The following DYNC1I1 variants were observed in gnomAD, a reference collection of about 807,000 sequenced individuals.
The protein encoded by DYNC1I1 is dynein cytoplasmic 1 intermediate chain 1.
In DYNC1I1, 43 loss-of-function variants were observed where a neutral mutation model predicts 86.6. That is an observed-to-expected ratio of 0.50 (90% confidence interval 0.39 to 0.64). The LOEUF (loss-of-function observed/expected upper bound fraction) is 0.64. Among genes scored for constraint, DYNC1I1 ranks in the 30% least tolerant of loss-of-function variants. The pLI, the probability that DYNC1I1 is intolerant of heterozygous loss-of-function variation, is 0.00. For synonymous variants in DYNC1I1, 262 were observed against 283.7 expected, an observed-to-expected ratio of 0.92 and a Z score of 0.77; for missense variants, 604 against 788.8, an observed-to-expected ratio of 0.77 and a Z score of 2.81.
chr7:96,075,697 C>G (rs572126942), intron 14 of DYNC1I1, among the ~76,000 whole-genome samples: 31 of 152,276 alleles, frequency 2.0e-4, no homozygotes, highest in Admixed American at 7.8e-4. Flanking sequence ...TGAGCCGGGC[C>G]GACCACGGTT....
At chr7:96,032,865 C>T in intron 12 of DYNC1I1, 85 bp downstream of exon 12, 2 of 1,150,894 alleles carry the variant, frequency 1.7e-6, no homozygotes, top group Non-Finnish European at 1.3e-6. Flanking sequence ...AAAGCCAAAC[C>T]CTCACATCCT....
intron 7 of DYNC1I1, among the ~76,000 whole-genome samples, chr7:95,981,838 C>T (rs62467720): frequency 0.08 from 12,209 of 152,106 alleles, 598 homozygotes; most frequent in Admixed American, 0.11. Context: ...CTTTTTAATG[C>T]CATGAACTTG....
chr7:96,091,182 AG>A (rs1361792303), intron 16 of DYNC1I1, among the ~76,000 whole-genome samples: 1 of 152,160 alleles, frequency 6.6e-6, no homozygotes, highest in Admixed American at 6.6e-5. Flanking sequence ...TAGAGCTTAG[AG>A]GGGGTTAGCA....
intron 5 of DYNC1I1, among the ~76,000 whole-genome samples, chr7:95,836,755 T>C (rs1789104803): frequency 1.3e-5 from 2 of 152,158 alleles, no homozygotes; most frequent in African/African-American, 4.8e-5. Context: ...TCCAGTTGAT[T>C]GCATTGGCTC....
intron 10 of DYNC1I1, among the ~76,000 whole-genome samples, 176 bp downstream of exon 10, chr7:95,996,249 C>G (rs1222249874): frequency 1.3e-5 from 2 of 152,180 alleles, no homozygotes. Flanking sequence ...GCAACCCTCC[C>G]CAAACAGTTA....
chr7:95,995,126 A>G (rs1373433688), intron 9 of DYNC1I1, among the ~76,000 whole-genome samples: 1 of 152,132 alleles, frequency 6.6e-6, no homozygotes, highest in African/African-American at 2.4e-5. Flanking sequence ...CGGCGCCTGT[A>G]GTCCCAGCTA....
At chr7:95,920,508 T>C (rs970317924) in intron 6 of DYNC1I1, among the ~76,000 whole-genome samples, 1 of 152,176 alleles carries the variant, frequency 6.6e-6, no homozygotes, top group African/African-American at 2.4e-5. Context: ...TCCGTATTGG[T>C]TGAGACAAAT....
intron 16 of DYNC1I1, among the ~76,000 whole-genome samples, chr7:96,103,848 G>A (rs535946425): frequency 2.4e-4 from 36 of 152,196 alleles, no homozygotes; most frequent in South Asian, 2.1e-4. Context: ...TCCTGACCTC[G>A]TGATCCACCC....
intron 6 of DYNC1I1, among the ~76,000 whole-genome samples, chr7:95,964,877 A>G (rs1792968723): frequency 6.6e-6 from 1 of 152,242 alleles, no homozygotes; most frequent in Non-Finnish European, 1.5e-5. Context: ...AGAGTATTCC[A>G]GGTACAGGGA....
chr7:96,095,320 T>C (rs1003225860), intron 16 of DYNC1I1, among the ~76,000 whole-genome samples: 2 of 152,186 alleles, frequency 1.3e-5, no homozygotes, highest in Non-Finnish European at 2.9e-5. Flanking sequence ...TTGCCATGAC[T>C]ACTACATGAA....
At position 95,898,951 on chromosome 7, in the gene DYNC1I1, G is replaced by A. The variant is rs556935581; in HGVS notation, c.490+28953G>A. On this transcript the variant is annotated intron_variant, in intron 6 of 16. Transcript: ENST00000447467. ...ATCCTATAAACCACAACACAAAGACGTTTTTAAAAATAATACTTTATTGAA... is the reference window on the plus strand; with the variant it reads ...ATCCTATAAACCACAACACAAAGACATTTTTAAAAATAATACTTTATTGAA... Among the ~76,000 whole-genome samples, 4 of 152,180 alleles carry A rather than the reference G, an allele frequency of 2.6e-5. No individual in the cohort carries two copies. The East Asian group carries it at 5.8e-4, about 22-fold the overall frequency.
At chr7:96,082,779 T>C (rs1225073464) in intron 16 of DYNC1I1, among the ~76,000 whole-genome samples, 1 of 152,210 alleles carries the variant, frequency 6.6e-6, no homozygotes, top group Non-Finnish European at 1.5e-5. Flanking sequence ...TGTGAGTAAA[T>C]ATGATTTTAC....
chr7:95,834,794 A>G (rs1789028046), intron 5 of DYNC1I1, among the ~76,000 whole-genome samples: 1 of 133,186 alleles, frequency 7.5e-6, no homozygotes, highest in Non-Finnish European at 1.6e-5. Context: ...GGTAGTTTGT[A>G]TTTCTGTGGG....
intron 5 of DYNC1I1, among the ~76,000 whole-genome samples, chr7:95,847,915 C>A (rs1789477038): frequency 6.6e-6 from 1 of 152,086 alleles, no homozygotes; most frequent in South Asian, 2.1e-4. Context: ...TACTCTCCTG[C>A]CTTACTTATT....
intron 5 of DYNC1I1, among the ~76,000 whole-genome samples, chr7:95,866,329 T>G (rs1387231592): frequency 6.6e-6 from 1 of 152,202 alleles, no homozygotes; most frequent in Non-Finnish European, 1.5e-5. Flanking sequence ...CACACGTGCT[T>G]GGACCACTAT....
At chr7:95,882,256 G>A (rs1333399620) in intron 6 of DYNC1I1, among the ~76,000 whole-genome samples, 1 of 152,152 alleles carries the variant, frequency 6.6e-6, no homozygotes, top group Non-Finnish European at 1.5e-5. Context: ...AATAGGTATT[G>A]TTTTGCTGCC....
intron 6 of DYNC1I1, 128 bp downstream of exon 6, chr7:95,870,126 G>A (rs1790124706): frequency 1.8e-5 from 14 of 762,226 alleles, no homozygotes; most frequent in South Asian, 2.3e-5. Flanking sequence ...GACACTGAAA[G>A]CCAAAGCCTC....
intron 4 of DYNC1I1, among the ~76,000 whole-genome samples, chr7:95,814,175 A>G (rs1475725762): frequency 2.6e-5 from 4 of 152,154 alleles, no homozygotes; most frequent in African/African-American, 9.6e-5. Flanking sequence ...TTGAGCTCAC[A>G]TGATATGATG....
At chr7:96,025,774 G>A (rs1002704869) in intron 10 of DYNC1I1, among the ~76,000 whole-genome samples, 1 of 150,966 alleles carries the variant, frequency 6.6e-6, no homozygotes, top group Admixed American at 6.6e-5. Context: ...ATGTGTTTCA[G>A]TTTTATATAA....
Sources: allele counts gnomAD v4.1 joint callset (sites outside exome capture counted in the v4.1 genomes callset), GRCh38; gene constraint gnomAD v4.1.1; transcripts MANE v1.5; gene names NCBI Gene and HGNC (gene_info 2026-07-23, HGNC 2026-07-21).